The following PARPBP variants were observed in gnomAD, a reference collection of about 807,000 sequenced individuals.
The protein encoded by PARPBP is PCNA-interacting partner.
Under a neutral mutation model 50.0 loss-of-function variants are expected in PARPBP, and 52 were observed. The ratio of observed to expected loss-of-function variants is 1.04; its 90% CI spans 0.83 to 1.31. The LOEUF (loss-of-function observed/expected upper bound fraction) is 1.31. Ranked by LOEUF, PARPBP falls within the 50% of genes most tolerant of loss-of-function variation. The probability of loss-of-function intolerance (pLI) is 0.00; values close to 1 mark genes in which losing one functional copy is unlikely to be tolerated. For synonymous variants in PARPBP, 244 were observed against 232.1 expected (o/e 1.05, Z -0.47); for missense variants, 697 against 672.0 (o/e 1.04, Z -0.41).
At chr12:102,190,469 C>T (rs1038102097) in intron 9 of PARPBP, among the ~76,000 whole-genome samples, 6 of 152,040 alleles carry the variant, frequency 3.9e-5, no homozygotes, top group African/African-American at 1.4e-4. Flanking sequence ...ACCCTGAAAC[C>T]CCTTCAACCT....
intron 2 of PARPBP, among the ~76,000 whole-genome samples, chr12:102,132,133 A>G (rs1042899078): frequency 2.0e-5 from 3 of 151,658 alleles, no homozygotes; most frequent in Middle Eastern, 6.9e-3. Flanking sequence ...TGAACCCAGG[A>G]GGTGGAGGTT....
intron 6 of PARPBP, among the ~76,000 whole-genome samples, chr12:102,167,239 A>G (rs1306466890): frequency 6.6e-6 from 1 of 152,148 alleles, no homozygotes; most frequent in Non-Finnish European, 1.5e-5. Context: ...TTCTCAGAAA[A>G]AGTAAATGGT....
chr12:102,189,637 G>T (rs567309977), intron 9 of PARPBP, among the ~76,000 whole-genome samples: 12 of 152,264 alleles, frequency 7.9e-5, no homozygotes, highest in African/African-American at 2.6e-4. Flanking sequence ...TAGGCAGAGA[G>T]ATTGAAATAG....
rs182211874 is a variant in PARPBP at position 102,137,533 on chromosome 12, C to A, written c.154-10697C>A. ...TGCTAAAGATTTTTTTTTTTTAATT[C>A]TAGGGTATATGTGCACAACGTGCAG... On this transcript the variant is annotated intron_variant, in intron 2 of 10. Coordinates refer to ENST00000327680, the MANE Select transcript of PARPBP (RefSeq NM_017915.5). 5.6e-4 allele frequency among the ~76,000 whole-genome samples: 83 copies of A among 149,244 alleles called. No individual in the cohort carries two copies. In the East Asian group the frequency reaches 0.013, roughly 24 times the overall value.
At position 102,178,662 on chromosome 12, in the gene PARPBP, T is replaced by C; in HGVS notation, c.1076T>C (p.Leu359Pro). Reference protein sequence around the residue: ...GRDTVKALLVLLDEEAANAPT... With the variant: ...GRDTVKALLVPLDEEAANAPT... ...GATACTGTGAAAGCCTTATTAGTTC[T>C]TTTGGACGAAGAAGCAGCTAATGCT... is the stretch of plus-strand genomic sequence containing the variant. The change falls in exon 8 of 11, where the codon CTT becomes CCT. Residue 359 changes from leucine (L) to proline (P), a missense_variant. Coordinates refer to ENST00000327680, the MANE Select transcript of PARPBP (RefSeq NM_017915.5). 1.2e-6 allele frequency: 2 copies of C among 1,613,534 alleles called. No individual in the cohort carries two copies. The highest frequency in any genetic ancestry group is 1.7e-6 in the Non-Finnish European group (2 of 1,179,590).
At chr12:102,129,472 T>C (rs577044998) in intron 2 of PARPBP, among the ~76,000 whole-genome samples, 2 of 152,338 alleles carry the variant, frequency 1.3e-5, no homozygotes, top group African/African-American at 4.8e-5. Context: ...ATCCCATTCA[T>C]GTATTTTTGC....
chr12:102,134,567 A>C (rs1883348636), intron 2 of PARPBP, among the ~76,000 whole-genome samples: 1 of 152,246 alleles, frequency 6.6e-6, no homozygotes, highest in South Asian at 2.1e-4. Context: ...TTCCAAAAGC[A>C]TGCAGAAGGG....
intron 3 of PARPBP, chr12:102,148,877 T>A (rs971502476): frequency 1.9e-5 from 3 of 156,472 alleles, no homozygotes; most frequent in African/African-American, 7.2e-5. Context: ...TTTTACTACA[T>A]ATAGGTATCA....
At chr12:102,127,730 A>C (rs1173467293) in intron 2 of PARPBP, among the ~76,000 whole-genome samples, 1 of 152,204 alleles carries the variant, frequency 6.6e-6, no homozygotes, top group African/African-American at 2.4e-5. Flanking sequence ...GTACATGTAC[A>C]TTTATTGACA....
At chr12:102,141,357 T>G (rs908076785) in intron 2 of PARPBP, among the ~76,000 whole-genome samples, 3 of 152,162 alleles carry the variant, frequency 2.0e-5, no homozygotes, top group Non-Finnish European at 2.9e-5. Flanking sequence ...CCTCCATCCC[T>G]TTATTTTGAG....
At chr12:102,125,355 T>A (rs1331474434) in intron 2 of PARPBP, among the ~76,000 whole-genome samples, 3 of 152,174 alleles carry the variant, frequency 2.0e-5, no homozygotes, top group Admixed American at 1.3e-4. Flanking sequence ...AACATGCGAC[T>A]AAGGAATATG....
chr12:102,162,933 A>G (rs1270522012), intron 4 of PARPBP, among the ~76,000 whole-genome samples: 4 of 152,072 alleles, frequency 2.6e-5, no homozygotes, highest in Admixed American at 1.3e-4. Flanking sequence ...GCCTTATTCC[A>G]GGTCATGAAG....
chr12:102,178,166 T>A (rs1889467715), intron 7 of PARPBP, among the ~76,000 whole-genome samples: 1 of 152,212 alleles, frequency 6.6e-6, no homozygotes, highest in Admixed American at 6.5e-5. Flanking sequence ...TGAATGAATG[T>A]CAACTAGCTT....
intron 3 of PARPBP, chr12:102,151,861 A>T (rs1038600842): frequency 1.6e-6 from 2 of 1,243,100 alleles, no homozygotes; most frequent in African/African-American, 3.0e-5. Context: ...GCACCAACTC[A>T]CTGTCCAAGC....
intron 9 of PARPBP, among the ~76,000 whole-genome samples, chr12:102,192,014 G>A (rs988077691): frequency 3.3e-5 from 5 of 152,086 alleles, no homozygotes; most frequent in Non-Finnish European, 5.9e-5. Flanking sequence ...ATCTTGTGTA[G>A]AAAAATTCAA....
chr12:102,144,201 A>G (rs1040094079), intron 2 of PARPBP, among the ~76,000 whole-genome samples: 10 of 152,236 alleles, frequency 6.6e-5, no homozygotes, highest in Non-Finnish European at 1.5e-4. Flanking sequence ...CTAGTCAATT[A>G]AAAATGTAAA....
chr12:102,120,545 T>G (rs1237634168), intron 1 of PARPBP: 1 of 455,314 alleles, frequency 2.2e-6, no homozygotes, highest in Non-Finnish European at 4.4e-6. Flanking sequence ...AGAGGCCTGC[T>G]TAACTTCCAT....
At chr12:102,157,375 T>C (rs934168483) in intron 4 of PARPBP, among the ~76,000 whole-genome samples, 4 of 152,094 alleles carry the variant, frequency 2.6e-5, no homozygotes, top group Admixed American at 1.3e-4. Flanking sequence ...AACTTCCATA[T>C]TTAAATTTCT....
At chr12:102,161,295 A>T (rs1887561607) in intron 4 of PARPBP, among the ~76,000 whole-genome samples, 1 of 151,848 alleles carries the variant, frequency 6.6e-6, no homozygotes, top group Non-Finnish European at 1.5e-5. Flanking sequence ...TTTAGTAGAG[A>T]CAGGGTTTCG....
Sources: gnomAD v4.1 joint callset for allele counts (sites outside exome capture counted in the v4.1 genomes callset) on GRCh38, gnomAD v4.1.1 for gene constraint, MANE v1.5 for transcripts, NCBI Gene and HGNC (gene_info 2026-07-23, HGNC 2026-07-21) for gene names.